Variants in XDH observed in about 807,000 individuals in gnomAD.
XDH encodes xanthine dehydrogenase/oxidase.
Under a neutral mutation model 156.1 loss-of-function variants are expected in XDH, and 138 were observed. That is an observed-to-expected ratio of 0.88 (90% CI 0.77 to 1.02). The LOEUF (loss-of-function observed/expected upper bound fraction) is 1.02, where lower values mean the gene tolerates loss of function less well. Ranked by LOEUF, XDH falls within the 50% of genes least tolerant of loss-of-function variation. The pLI is 0.00. For missense variants in XDH, 1,849 were observed against 1,684.9 expected (o/e 1.10, Z -1.71); for synonymous variants, 669 against 625.7 (o/e 1.07, Z -1.03).
chr2:31,359,127 G>C (rs991744365), intron 24 of XDH, among the ~76,000 whole-genome samples: 1 of 152,042 alleles, frequency 6.6e-6, no homozygotes, highest in Admixed American at 6.5e-5. Context: ...TAATTCTAGT[G>C]GGTAAAGACA....
At chr2:31,355,349 T>G (rs1245021961) in intron 24 of XDH, among the ~76,000 whole-genome samples, 1 of 152,126 alleles carries the variant, frequency 6.6e-6, no homozygotes, top group Non-Finnish European at 1.5e-5. Flanking sequence ...GGAAAAACAC[T>G]ATAAGCAAAA....
intron 1 of XDH, 74 bp downstream of exon 1, chr2:31,414,551 T>C: frequency 6.3e-7 from 1 of 1,589,722 alleles, no homozygotes; most frequent in Non-Finnish European, 8.6e-7. Flanking sequence ...GAGAACAAGA[T>C]ATGGCTCTGC....
intron 2 of XDH, among the ~76,000 whole-genome samples, chr2:31,404,628 T>C (rs1687148281): frequency 1.3e-5 from 2 of 152,196 alleles, no homozygotes; most frequent in South Asian, 4.1e-4. Context: ...ATTAGAAAGC[T>C]AAAATTGATC....
At chr2:31,372,088 C>G in intron 17 of XDH, 140 bp downstream of exon 17, 1 of 1,286,888 alleles carries the variant, frequency 7.8e-7, no homozygotes, top group South Asian at 1.2e-5. Flanking sequence ...AGGTCTTCCC[C>G]TCTCTCTAGC....
chr2:31,346,874 C>T (rs1197975380), intron 29 of XDH, 31 bp from the exon 30 acceptor site: 43 of 1,613,540 alleles, frequency 2.7e-5, no homozygotes, highest in Non-Finnish European at 3.1e-5. Flanking sequence ...ACCCCAGACA[C>T]ATCAGTCCTC....
intron 4 of XDH, among the ~76,000 whole-genome samples, chr2:31,400,804 T>C (rs1278460898): frequency 1.3e-5 from 2 of 152,164 alleles, no homozygotes; most frequent in Non-Finnish European, 2.9e-5. Context: ...AGAATTACCA[T>C]TGCAGGGAGT....
At chr2:31,410,662 G>A (rs1301782831) in intron 1 of XDH, among the ~76,000 whole-genome samples, 2 of 152,120 alleles carry the variant, frequency 1.3e-5, no homozygotes, top group Admixed American at 6.5e-5. Context: ...CATTACTTCT[G>A]TGGTATTCCT....
In XDH at chr2:31,349,851, C is replaced by T; in HGVS notation, c.2824-20G>A. 1 of 1,613,580 alleles carries T rather than the reference C, an allele frequency of 6.2e-7. No homozygotes were observed. The highest frequency in any genetic ancestry group is 1.3e-5 in the African/African-American group (1 of 75,022). On this transcript the variant is annotated intron_variant, in intron 25 of 35. Transcript: ENST00000379416. ...CCGCACCTTCCCAAGGAGAGAGACA[C>T]AGAGGCCTTGTTGGCGGCAAGAGAC... is the stretch of plus-strand genomic sequence containing the variant.
intron 5 of XDH, 123 bp downstream of exon 5, chr2:31,398,450 T>TG (rs1224228713): frequency 3.9e-6 from 6 of 1,554,494 alleles, no homozygotes; most frequent in Admixed American, 1.7e-5. Context: ...ACCACCTTGT[T>TG]GGGGGGCCTG....
chr2:31,360,083 T>C (rs1339236070), intron 24 of XDH, among the ~76,000 whole-genome samples: 2 of 152,242 alleles, frequency 1.3e-5, no homozygotes, highest in Admixed American at 6.5e-5. Flanking sequence ...ACACCAGTTT[T>C]AGAGCACAGG....
At chr2:31,389,398 C>A (rs1370283578) in intron 6 of XDH, among the ~76,000 whole-genome samples, 1 of 152,188 alleles carries the variant, frequency 6.6e-6, no homozygotes, top group Non-Finnish European at 1.5e-5. Flanking sequence ...ACAGCTCCAG[C>A]ACTGGACACC....
chr2:31,394,415 G>A (rs1686849506), intron 6 of XDH, among the ~76,000 whole-genome samples: 1 of 152,050 alleles, frequency 6.6e-6, no homozygotes, highest in South Asian at 2.1e-4. Flanking sequence ...TATAGGTGAG[G>A]GGTGTTTTCC....
At chr2:31,364,054 C>T in intron 24 of XDH, 104 bp downstream of exon 24, 2 of 1,063,414 alleles carry the variant, frequency 1.9e-6, no homozygotes, top group Non-Finnish European at 2.9e-6. Context: ...TAGGAGACTA[C>T]TGCAACAGTA....
intron 26 of XDH, among the ~76,000 whole-genome samples, chr2:31,349,442 G>C (rs1379225038): frequency 7.2e-5 from 11 of 152,104 alleles, no homozygotes; most frequent in Non-Finnish European, 1.5e-4. Flanking sequence ...GTGCCCAAAG[G>C]TTTACAAACG....
chr2:31,353,960 G>C (rs1685559016), intron 24 of XDH, among the ~76,000 whole-genome samples: 1 of 152,096 alleles, frequency 6.6e-6, no homozygotes, highest in Admixed American at 6.5e-5. Context: ...AGTCACTGGA[G>C]AACACATTGA....
chr2:31,411,058 G>C (rs1687329134), intron 1 of XDH, among the ~76,000 whole-genome samples: 1 of 151,988 alleles, frequency 6.6e-6, no homozygotes, highest in African/African-American at 2.4e-5. Context: ...GCCGAGGTGG[G>C]TGGATCACAG....
chr2:31,388,154 A>C (rs149368664), intron 7 of XDH, 73 bp downstream of exon 7: 235 of 1,535,102 alleles, frequency 1.5e-4, no homozygotes, highest in Admixed American at 4.0e-4. Context: ...CGCCAGGGAC[A>C]TGGAGCTCGT....
chr2:31,367,940 T>G (rs1314464854), intron 20 of XDH, 21 bp downstream of exon 20: 2 of 1,611,302 alleles, frequency 1.2e-6, no homozygotes, highest in Non-Finnish European at 1.7e-6. Context: ...CCATTCCCAC[T>G]GCGGCATGGA....
intron 6 of XDH, among the ~76,000 whole-genome samples, chr2:31,390,918 T>C (rs1686743424): frequency 6.6e-6 from 1 of 152,214 alleles, no homozygotes; most frequent in Admixed American, 6.5e-5. Flanking sequence ...ACAAGATGTG[T>C]CTTTTGCAAA....
Sources: allele counts gnomAD v4.1 joint callset (sites outside exome capture counted in the v4.1 genomes callset), GRCh38; gene constraint gnomAD v4.1.1; transcripts MANE v1.5; gene names NCBI Gene and HGNC (gene_info 2026-07-23, HGNC 2026-07-21).